Variants in ANGPT4 observed in about 807,000 individuals in gnomAD.
ANGPT4 encodes the protein angiopoietin 4, also known as angiopoietin-4.
In ANGPT4, 50 loss-of-function variants were observed where a neutral mutation model predicts 53.0. That is an observed-to-expected ratio of 0.94 (90% confidence interval 0.75 to 1.20). ANGPT4 has a LOEUF of 1.20. Among genes scored for constraint, ANGPT4 ranks in the 50% most tolerant of loss-of-function variants. The pLI, the probability that ANGPT4 is intolerant of heterozygous loss-of-function variation, is 0.00. For synonymous variants in ANGPT4, 251 were observed against 259.7 expected (o/e 0.97, Z 0.32); for missense variants, 648 against 637.1 (o/e 1.02, Z -0.18).
chr20:908,859 A>T lies in ANGPT4; in HGVS notation c.309+7047T>A, dbSNP rs1289055277. On this transcript the variant is annotated intron_variant, in intron 1 of 8. Transcript: ENST00000381922. The surrounding 1 kb of genome is among the most constrained non-coding windows in gnomAD (Gnocchi z 4.9). The stretch of plus-strand genomic sequence containing the variant: ...GATGCATGATTTTTTCATGACATTT[A>T]TGGCATGCTATGTATCTTGTTGCCT... 1.3e-5 allele frequency among the ~76,000 whole-genome samples: 2 copies of T among 152,182 alleles called. No homozygotes were observed. The highest frequency in any genetic ancestry group is 2.9e-5 in the Non-Finnish European group (2 of 68,034).
chr20:883,063 C>T (rs6055551), intron 4 of ANGPT4, among the ~76,000 whole-genome samples: 34,831 of 152,190 alleles, frequency 0.23, 4,504 homozygotes, highest in East Asian at 0.52. Flanking sequence ...TGAACTCATC[C>T]GATTCTCTGT....
intron 1 of ANGPT4, among the ~76,000 whole-genome samples, chr20:893,225 C>T (rs576888812): frequency 3.7e-4 from 56 of 152,314 alleles, no homozygotes; most frequent in African/African-American, 1.3e-3. Flanking sequence ...CAAACCACAG[C>T]CATACTAGCA....
chr20:901,241 C>T (rs1384606466), intron 1 of ANGPT4, among the ~76,000 whole-genome samples: 2 of 152,168 alleles, frequency 1.3e-5, no homozygotes, highest in East Asian at 1.9e-4. Context: ...GGCCTCTGAG[C>T]CCAAGCCTGC....
chr20:895,839 T>C (rs1187832534), intron 1 of ANGPT4, among the ~76,000 whole-genome samples: 2 of 151,250 alleles, frequency 1.3e-5, no homozygotes, highest in Non-Finnish European at 2.9e-5. Context: ...GGAGTCTATT[T>C]GTATGACTCT....
chr20:880,380 T>G (rs1334426881), intron 5 of ANGPT4, among the ~76,000 whole-genome samples: 2 of 151,712 alleles, frequency 1.3e-5, no homozygotes, highest in Non-Finnish European at 2.9e-5. Flanking sequence ...AGCTCAGGAG[T>G]TTCAGACCAG....
intron 3 of ANGPT4, among the ~76,000 whole-genome samples, chr20:887,112 T>C (rs947939121): frequency 6.6e-6 from 1 of 152,102 alleles, no homozygotes; most frequent in Non-Finnish European, 1.5e-5. Context: ...AGGGAGACAT[T>C]TTACTGTATA....
rs921561318 is a variant in ANGPT4 at position 911,006 on chromosome 20, A to G, written c.309+4900T>C. ...GCCAGCAGTGAGGTTAGGAAATCAA[A>G]CCCCAAGATATTTTGTTCGGCACCG... On this transcript the variant is annotated intron_variant, in intron 1 of 8. Transcript: ENST00000381922. This position sits in a 1 kb window ranked among gnomAD's most constrained non-coding sequence, Gnocchi z 4.9. Among the ~76,000 whole-genome samples, 1 of 151,972 alleles carries G rather than the reference A, an allele frequency of 6.6e-6. No homozygotes were observed. Among genetic ancestry groups the G allele is most frequent in the Non-Finnish European group, 1.5e-5 (1 of 67,980 alleles).
intron 1 of ANGPT4, among the ~76,000 whole-genome samples, chr20:905,407 G>A (rs6118169): frequency 6.6e-6 from 1 of 151,888 alleles, no homozygotes; most frequent in African/African-American, 2.4e-5. Flanking sequence ...TAAGGGGCAC[G>A]AGATTTCCAC....
At position 885,000 on chromosome 20, in the gene ANGPT4, C is replaced by G. The variant is rs921173070; in HGVS notation, c.835+78G>C. On this transcript the variant is annotated intron_variant, in intron 4 of 8. Coordinates refer to ENST00000381922, the MANE Select transcript of ANGPT4 (RefSeq NM_015985.4). Reference sequence around the variant, plus strand: ...GCAATGGCTCCCAGGCGCCCAGAGACCCTGGAGGGTGAGCAGGGTCTCCCC... The same window carrying G: ...GCAATGGCTCCCAGGCGCCCAGAGAGCCTGGAGGGTGAGCAGGGTCTCCCC... The G allele has an allele frequency of 5.1e-6, 8 of 1,583,394 alleles. No homozygotes were observed. In the African/African-American group the frequency reaches 1.1e-4, roughly 21 times the overall value.
rs1980963401 is a variant in ANGPT4, at chr20:872,064, A to G, written c.*896T>C. 1 of 152,178 alleles carries G rather than the reference A, an allele frequency of 6.6e-6. No homozygotes were observed. The highest frequency in any genetic ancestry group is 1.5e-5 in the Non-Finnish European group (1 of 68,050). The allele number at this position is 152,178 out of a possible 1,614,324, so 9.4% of individuals were successfully genotyped here. A position where few individuals can be genotyped will look rare whatever the true frequency, so the allele number is the denominator to read the frequency against. On this transcript the variant is annotated 3_prime_UTR_variant, in exon 9 of 9. Coordinates refer to ENST00000381922, the MANE Select transcript of ANGPT4 (RefSeq NM_015985.4). ...TGGGACAAACCGAGCCCATTTTCAAATAAGTAAATTTGGAGAAAGCTGCCC... is the reference window on the plus strand; with the variant it reads ...TGGGACAAACCGAGCCCATTTTCAAGTAAGTAAATTTGGAGAAAGCTGCCC...
intron 1 of ANGPT4, among the ~76,000 whole-genome samples, chr20:899,463 C>T (rs1302899348): frequency 6.6e-6 from 1 of 151,994 alleles, no homozygotes; most frequent in African/African-American, 2.4e-5. Flanking sequence ...CCGTGTTAGC[C>T]AGGATATTCT....
intron 1 of ANGPT4, among the ~76,000 whole-genome samples, chr20:904,145 A>G (rs1982391472): frequency 6.6e-6 from 1 of 152,178 alleles, no homozygotes; most frequent in Non-Finnish European, 1.5e-5. Context: ...AATTCCAAGG[A>G]ACAAAAAGGA....
chr20:913,887 A>G (rs138637575), intron 1 of ANGPT4, among the ~76,000 whole-genome samples: 1 of 152,312 alleles, frequency 6.6e-6, no homozygotes, highest in East Asian at 1.9e-4. Context: ...ACAGAGACAG[A>G]CAGGCAGGAG....
intron 1 of ANGPT4, among the ~76,000 whole-genome samples, chr20:895,420 C>A (rs868253714): frequency 3.9e-5 from 6 of 152,130 alleles, no homozygotes; most frequent in Non-Finnish European, 8.8e-5. Context: ...CATTGTGGGC[C>A]CTTGGAGACT....
At chr20:900,976 A>G in intron 1 of ANGPT4, among the ~76,000 whole-genome samples, 1 of 152,094 alleles carries the variant, frequency 6.6e-6, no homozygotes. Flanking sequence ...TATACGACAA[A>G]TGCTCCTTCT....
rs981900954 is a variant in ANGPT4, at chr20:914,578, C to T, written c.309+1328G>A. 6.6e-6 allele frequency among the ~76,000 whole-genome samples: 1 copy of T among 152,050 alleles called. No individual in the cohort carries two copies. Among genetic ancestry groups the T allele is most frequent in the Admixed American group, 6.5e-5 (1 of 15,270 alleles). ...GGAGCCAGGGGGGCAGCCAGGACAG[C>T]TATCCTGCCTGGAGCCAGAGGTGGT... On this transcript the variant is annotated intron_variant, in intron 1 of 8. Transcript: ENST00000381922. The surrounding 1 kb of genome is among the most constrained non-coding windows in gnomAD (Gnocchi z 5.0).
In ANGPT4 at chr20:874,416, T is replaced by TGGA; in HGVS notation, c.1221-5_1221-3dup. 2 of 1,613,120 alleles carry TGGA rather than the reference T, an allele frequency of 1.2e-6. No individual in the cohort carries two copies. The highest frequency in any genetic ancestry group is 1.7e-6 in the Non-Finnish European group (2 of 1,179,960). Reference sequence around the variant, plus strand: ...CCGCTGTACCCGACCACAGAAAGCCTGGAGGCCACCCAGAGGTGGTGGTGG... The same window carrying TGGA: ...CCGCTGTACCCGACCACAGAAAGCCTGGAGGAGGCCACCCAGAGGTGGTGGTGG... On this transcript the variant is annotated splice_polypyrimidine_tract_variant and splice_region_variant and intron_variant, in intron 7 of 8. Coordinates refer to ENST00000381922, the MANE Select transcript of ANGPT4 (RefSeq NM_015985.4).
At chr20:898,825 C>T (rs1982159656) in intron 1 of ANGPT4, among the ~76,000 whole-genome samples, 1 of 152,230 alleles carries the variant, frequency 6.6e-6, no homozygotes, top group East Asian at 1.9e-4. Context: ...GCTTCAAGTG[C>T]TGGAAATCTG....
At position 915,969 on chromosome 20, in the gene ANGPT4, C is replaced by A; in HGVS notation, c.246G>T (p.Leu82Phe). Residue 82 changes from leucine to phenylalanine, a missense_variant, in exon 1 of 9, where the codon TTG becomes TTT. Transcript: ENST00000381922. ...SLANPLHLGK[L>F]PTQQVKQLEQ... Reference sequence around the variant, plus strand: ...CCAGCTGTTTCACCTGCTGGGTGGGCAACTTCCCCAGGTGCAGTGGGTTGG... The same window carrying A: ...CCAGCTGTTTCACCTGCTGGGTGGGAAACTTCCCCAGGTGCAGTGGGTTGG... 1 of 1,609,598 alleles carries A rather than the reference C, an allele frequency of 6.2e-7. No individual in the cohort carries two copies. Among genetic ancestry groups the A allele is most frequent in the Non-Finnish European group, 8.5e-7 (1 of 1,176,592 alleles).
Sources: gnomAD v4.1 joint callset for allele counts (sites outside exome capture counted in the v4.1 genomes callset) on GRCh38, gnomAD v4.1.1 for gene constraint, Gnocchi (gnomAD v3.1) non-coding constraint, MANE v1.5 for transcripts, NCBI Gene and HGNC (gene_info 2026-07-23, HGNC 2026-07-21) for gene names.